The following ANKAR variants were observed in gnomAD, a reference collection of about 807,000 sequenced individuals.
The protein encoded by ANKAR is ankyrin and armadillo repeat containing.
ANKAR carries 136 observed loss-of-function variants against 146.2 expected under a neutral mutation model. The ratio of observed to expected loss-of-function variants is 0.93; its 90% CI spans 0.81 to 1.07. The LOEUF is 1.07. ANKAR is among the 50% of genes least tolerant of loss of function. The pLI, the probability that ANKAR is intolerant of heterozygous loss-of-function variation, is 0.00. For synonymous variants in ANKAR, 500 were observed against 575.8 expected (o/e 0.87, Z 1.88); for missense variants, 1,567 against 1,679.9 (o/e 0.93, Z 1.18).
At chr2:189,702,967 G>A (rs2038303594) in intron 7 of ANKAR, among the ~76,000 whole-genome samples, 1 of 152,208 alleles carries the variant, frequency 6.6e-6, no homozygotes, top group African/African-American at 2.4e-5. Context: ...AGACTTGAAA[G>A]TGAAAGTGCA....
chr2:189,744,235 G>A (rs2043747185), intron 21 of ANKAR, among the ~76,000 whole-genome samples: 1 of 152,084 alleles, frequency 6.6e-6, no homozygotes, highest in Non-Finnish European at 1.5e-5. Flanking sequence ...TACATCTTTG[G>A]AGCCACTTTA....
intron 10 of ANKAR, among the ~76,000 whole-genome samples, chr2:189,716,978 A>G (rs1204741854): frequency 6.6e-6 from 1 of 152,206 alleles, no homozygotes; most frequent in Admixed American, 6.5e-5. Context: ...ACCTGAAACC[A>G]TAAAAACCCT....
chr2:189,682,107 C>T (rs535364761), intron 2 of ANKAR, among the ~76,000 whole-genome samples: 1 of 152,204 alleles, frequency 6.6e-6, no homozygotes, highest in East Asian at 1.9e-4. Flanking sequence ...GTGCTTAATA[C>T]TGTTGGCTCC....
chr2:189,734,767 C>T (rs1388835051), intron 17 of ANKAR, among the ~76,000 whole-genome samples: 1 of 151,922 alleles, frequency 6.6e-6, no homozygotes. Context: ...AGTTCGAGAC[C>T]AGCCTTGCCA....
chr2:189,745,154 G>A (rs2043964751), intron 22 of ANKAR, among the ~76,000 whole-genome samples: 1 of 151,894 alleles, frequency 6.6e-6, no homozygotes, highest in African/African-American at 2.4e-5. Flanking sequence ...TCGCACCACT[G>A]CACTCTGGCC....
intron 12 of ANKAR, among the ~76,000 whole-genome samples, chr2:189,726,005 A>G (rs1456478169): frequency 1.3e-5 from 2 of 152,192 alleles, no homozygotes; most frequent in African/African-American, 4.8e-5. Flanking sequence ...GAAACAAATA[A>G]ATAGAGAATA....
At chr2:189,685,819 T>C (rs1454034164) in intron 2 of ANKAR, among the ~76,000 whole-genome samples, 2 of 152,192 alleles carry the variant, frequency 1.3e-5, no homozygotes, top group Non-Finnish European at 2.9e-5. Context: ...CTCATTTAAC[T>C]AGTTTTCAGC....
intron 4 of ANKAR, 39 bp downstream of exon 4, chr2:189,692,457 A>T: frequency 6.4e-7 from 1 of 1,572,810 alleles, no homozygotes; most frequent in Non-Finnish European, 8.6e-7. Context: ...ATCATTTCAC[A>T]ACTCTTTTAT....
chr2:189,736,872 A>G (rs1479950612), intron 17 of ANKAR, among the ~76,000 whole-genome samples: 1 of 152,026 alleles, frequency 6.6e-6, no homozygotes, highest in East Asian at 1.9e-4. Context: ...CAGGAGTTCA[A>G]GACCAGCCTG....
chr2:189,684,543 A>G (rs2035233573), intron 2 of ANKAR, among the ~76,000 whole-genome samples: 2 of 152,168 alleles, frequency 1.3e-5, no homozygotes, highest in Admixed American at 1.3e-4. Context: ...TATAGAAATT[A>G]AATGGGTAAT....
chr2:189,750,904 C>T (rs184014241), downstream of ANKAR, among the ~76,000 whole-genome samples: 2 of 152,178 alleles, frequency 1.3e-5, no homozygotes, highest in African/African-American at 4.8e-5. Flanking sequence ...TTCTCAAATA[C>T]TGTAAATAAG....
At chr2:189,760,011 C>G (rs1484853968) in intron 18 of ANKAR, among the ~76,000 whole-genome samples, 1 of 152,120 alleles carries the variant, frequency 6.6e-6, no homozygotes, top group African/African-American at 2.4e-5. Flanking sequence ...ACATCTTGCA[C>G]CGCCCTTAAT....
intron 18 of ANKAR, chr2:189,755,337 C>A: frequency 6.2e-7 from 1 of 1,613,394 alleles, no homozygotes; most frequent in Non-Finnish European, 8.5e-7. Context: ...GCATGAGCCT[C>A]CATATGATGA....
rs539629883 is a variant in ANKAR at position 189,707,081 on chromosome 2, C to T, written c.2054C>T (p.Thr685Ile). ...IIHLSVLTFH[T>I]EVLKYIIKLN... ...CATTTATCAGTGTTAACCTTTCATACAGAGGTTCTCAAATATATAATAAAA... is the reference window on the plus strand; with the variant it reads ...CATTTATCAGTGTTAACCTTTCATATAGAGGTTCTCAAATATATAATAAAA... Residue 685 changes from threonine to isoleucine, a missense_variant, in exon 9 of 23, where the codon ACA becomes ATA. Thr to Ile is a moderately conservative substitution (Grantham distance 89, BLOSUM62 -1). Transcript: ENST00000684021. 2.0e-5 allele frequency: 32 copies of T among 1,604,408 alleles called. No individual in the cohort carries two copies. The highest frequency in any genetic ancestry group is 4.0e-5 in the African/African-American group (3 of 74,680).
At chr2:189,706,721 TG>T (rs1388762249) in intron 8 of ANKAR, among the ~76,000 whole-genome samples, 1 of 152,120 alleles carries the variant, frequency 6.6e-6, no homozygotes, top group Non-Finnish European at 1.5e-5. Flanking sequence ...TTATAAGGCA[TG>T]ATAATTAAGT....
chr2:189,720,909 G>A (rs2041162472), intron 12 of ANKAR, 122 bp downstream of exon 12: 2 of 735,958 alleles, frequency 2.7e-6, no homozygotes, highest in Non-Finnish European at 3.9e-6. Flanking sequence ...ATCTAAACGT[G>A]TAATATAACC....
intron 9 of ANKAR, among the ~76,000 whole-genome samples, chr2:189,709,441 T>C (rs1404471025): frequency 6.6e-6 from 1 of 151,872 alleles, no homozygotes; most frequent in Non-Finnish European, 1.5e-5. Flanking sequence ...CACAGAAAAG[T>C]GGGGAGGGTG....
intron 2 of ANKAR, among the ~76,000 whole-genome samples, chr2:189,684,691 C>A (rs1283097334): frequency 1.3e-5 from 2 of 151,792 alleles, no homozygotes; most frequent in Admixed American, 1.3e-4. Flanking sequence ...ATTAGCCAGG[C>A]ATGGTGGTGC....
Position 189,737,782 on chromosome 2 carries a change from A to G in ANKAR, c.3523A>G (p.Ile1175Val), listed in dbSNP as rs374317792. The G allele has an allele frequency of 6.3e-7, 1 of 1,589,566 alleles. No homozygotes were observed. Among genetic ancestry groups the G allele is most frequent in the Non-Finnish European group, 8.5e-7 (1 of 1,172,642 alleles). ...ILESGIMTIS[I>V]FERFLESTVE... The stretch of plus-strand genomic sequence containing the variant: ...GGAAAGTGGAATAATGACCATATCT[A>G]TTTTTGAACGTTTTCTTGAATCAAC... The change falls in exon 18 of 23, where the codon ATT (isoleucine) becomes GTT (valine). Residue 1175 changes from isoleucine (I) to valine (V), a missense_variant. By Grantham distance (29) the Ile-to-Val change is conservative (BLOSUM62 3). Transcript: ENST00000684021.
Sources: gnomAD v4.1 joint callset for allele counts (sites outside exome capture counted in the v4.1 genomes callset) on GRCh38, gnomAD v4.1.1 for gene constraint, MANE v1.5 for transcripts, NCBI Gene and HGNC (gene_info 2026-07-23, HGNC 2026-07-21) for gene names.